The following PPFIA2 variants were observed in gnomAD, a reference collection of about 807,000 sequenced individuals.
PPFIA2 encodes liprin-alpha-2.
A neutral mutation model predicts 175.5 loss-of-function variants in PPFIA2; 46 were observed. That is an observed-to-expected ratio of 0.26 (90% confidence interval 0.21 to 0.34). PPFIA2 has a LOEUF of 0.34. Ranked by LOEUF, PPFIA2 falls within the 10% of genes least tolerant of loss-of-function variation. The pLI, the probability that PPFIA2 is intolerant of heterozygous loss-of-function variation, is 1.00. For missense variants in PPFIA2, 1,179 were observed against 1,506.1 expected (o/e 0.78, Z 3.60); for synonymous variants, 568 against 511.4 (o/e 1.11, Z -1.49).
chr12:81,384,085 C>T lies in PPFIA2; in HGVS notation c.922G>A (p.Ala308Thr), dbSNP rs771802351. 3 of 1,613,296 alleles carry T rather than the reference C, an allele frequency of 1.9e-6. No individual in the cohort carries two copies. In the South Asian group the frequency reaches 3.3e-5, roughly 18 times the overall value. Reference sequence around the variant, plus strand: ...TCTGTTTTAATGAGATCCTTTCTTGCTGTCTCTGCTTCCTGTTCCACCTCT... The same window carrying T: ...TCTGTTTTAATGAGATCCTTTCTTGTTGTCTCTGCTTCCTGTTCCACCTCT... Reference protein sequence around the residue: ...VGEVEQEAETARKDLIKTEEM... With the variant: ...VGEVEQEAETTRKDLIKTEEM... The change falls in exon 9 of 33, where the codon GCA (alanine) becomes ACA (threonine). Residue 308 changes from alanine to threonine, a missense_variant. By Grantham distance (58) the Ala-to-Thr change is moderately conservative (BLOSUM62 0). Transcript: ENST00000549396.
At chr12:81,472,895 T>C (rs931284839) in intron 4 of PPFIA2, 5 of 152,264 alleles carry the variant, frequency 3.3e-5, no homozygotes, top group African/African-American at 1.2e-4. Flanking sequence ...CAGATGACTC[T>C]GCTTTCTTGG....
intron 4 of PPFIA2, among the ~76,000 whole-genome samples, chr12:81,563,808 T>C (rs2070706124): frequency 6.6e-6 from 1 of 152,226 alleles, no homozygotes; most frequent in South Asian, 2.1e-4. Context: ...GCAGGCATCA[T>C]TACAGATGCT....
intron 6 of PPFIA2, among the ~76,000 whole-genome samples, chr12:81,444,001 C>A (rs1221923749): frequency 1.3e-5 from 2 of 150,592 alleles, no homozygotes; most frequent in Non-Finnish European, 3.0e-5. Flanking sequence ...ACTACAGGCG[C>A]CCGCCACCAC....
In PPFIA2 at chr12:81,347,586, G is replaced by C. The variant is rs1191373718; in HGVS notation, c.2179C>G (p.Leu727Val). 1 of 1,613,648 alleles carries C rather than the reference G, an allele frequency of 6.2e-7. No individual in the cohort carries two copies. The highest frequency in any genetic ancestry group is 2.2e-5 in the East Asian group (1 of 44,872). Residue 727 changes from leucine (L) to valine (V), a missense_variant, in exon 18 of 33, where the codon CTC becomes GTC. By Grantham distance (32) the Leu-to-Val change is conservative. This residue lies in a region of PPFIA2 where 223 missense variants were observed against 241.6 expected (regional missense o/e 0.92). Coordinates refer to ENST00000549396, the MANE Select transcript of PPFIA2 (RefSeq NM_003625.5). ...SPPSGHSTPK[L>V]TPRSPAREMD... is the part of the protein sequence containing the mutation. ...TCCCTGGCAGGGCTTCGAGGGGTGA[G>C]CTTTGGAGTTGAGTGTCCACTGGGG...
chr12:81,466,824 T>A (rs1400804828), intron 4 of PPFIA2, among the ~76,000 whole-genome samples: 1 of 150,798 alleles, frequency 6.6e-6, no homozygotes, highest in Non-Finnish European at 1.5e-5. Flanking sequence ...CCTAGTCACA[T>A]TTGTCTTCTT....
intron 9 of PPFIA2, among the ~76,000 whole-genome samples, chr12:81,382,125 A>G (rs543056313): frequency 6.6e-6 from 1 of 152,234 alleles, no homozygotes; most frequent in Admixed American, 6.6e-5. Flanking sequence ...GTATATGTGT[A>G]AATAACAAGG....
At chr12:81,366,171 T>C (rs1291903062) in intron 14 of PPFIA2, among the ~76,000 whole-genome samples, 2 of 150,736 alleles carry the variant, frequency 1.3e-5, no homozygotes, top group African/African-American at 2.4e-5. Context: ...CAGTTATAGA[T>C]CACTTCTTAA....
intron 4 of PPFIA2, among the ~76,000 whole-genome samples, chr12:81,627,471 C>T (rs11114945): frequency 0.058 from 8,760 of 152,146 alleles, 365 homozygotes; most frequent in East Asian, 0.24. Flanking sequence ...TGTCACTCTC[C>T]TAGGAAAGTA....
chr12:81,379,745 T>G (rs1300229096), intron 9 of PPFIA2, among the ~76,000 whole-genome samples: 2 of 152,154 alleles, frequency 1.3e-5, no homozygotes, highest in African/African-American at 4.8e-5. Context: ...AAATGTAAAA[T>G]GAAATTAAAT....
chr12:81,477,376 G>A lies in PPFIA2; in HGVS notation c.304-19510C>T, dbSNP rs931657035. 3.3e-5 allele frequency among the ~76,000 whole-genome samples: 5 copies of A among 151,912 alleles called. No individual in the cohort carries two copies. The East Asian group carries it at 7.8e-4, about 24-fold the overall frequency. On this transcript the variant is annotated intron_variant, in intron 4 of 32. Coordinates refer to ENST00000549396, the MANE Select transcript of PPFIA2 (RefSeq NM_003625.5). ...TCCTTTGACAGAGAATGATTATGAA[G>A]AAGTCAGGAAAACATATTTTTACAA... is the stretch of plus-strand genomic sequence containing the variant.
intron 4 of PPFIA2, among the ~76,000 whole-genome samples, chr12:81,668,877 A>AT (rs2153560418): frequency 6.6e-6 from 1 of 152,096 alleles, no homozygotes; most frequent in African/African-American, 2.4e-5. Context: ...TAACTCCTGC[A>AT]TTTTTTGAAG....
In PPFIA2 at chr12:81,290,905, C is replaced by G. The variant is rs538196467; in HGVS notation, c.2925+3930G>C. ...CACAAAACAAAGAAAATGTCCAATA[C>G]TAGGAATTTGATTAAATAACTTATC... On this transcript the variant is annotated intron_variant, in intron 24 of 32. Transcript: ENST00000549396. Among the ~76,000 whole-genome samples the G allele has an allele frequency of 1.6e-4, 24 of 151,774 alleles. No homozygotes were observed. The East Asian group carries it at 3.3e-3, about 21-fold the overall frequency.
At chr12:81,726,819 T>G (rs905596556) in intron 3 of PPFIA2, among the ~76,000 whole-genome samples, 1 of 151,292 alleles carries the variant, frequency 6.6e-6, no homozygotes, top group East Asian at 1.9e-4. Context: ...AAGCTTAGCT[T>G]TGGCCAACAG....
At chr12:81,511,652 C>T (rs2061812183) in intron 4 of PPFIA2, among the ~76,000 whole-genome samples, 1 of 151,898 alleles carries the variant, frequency 6.6e-6, no homozygotes, top group Non-Finnish European at 1.5e-5. Context: ...ACTTTCATAC[C>T]TTTGGCATCT....
intron 4 of PPFIA2, among the ~76,000 whole-genome samples, chr12:81,647,299 CA>C (rs752561208): frequency 1.7e-4 from 26 of 151,886 alleles, no homozygotes; most frequent in Non-Finnish European, 3.4e-4. Flanking sequence ...AATGGAAAAA[CA>C]GAAAACAGAA....
intron 4 of PPFIA2, chr12:81,465,098 CCAGA>C (rs1223420882): frequency 1.3e-5 from 2 of 152,090 alleles, no homozygotes; most frequent in Admixed American, 6.6e-5. Context: ...GTCAATGACA[CCAGA>C]CAGTCTCCAG....
At chr12:81,660,555 C>A (rs900555782) in intron 4 of PPFIA2, among the ~76,000 whole-genome samples, 2 of 152,098 alleles carry the variant, frequency 1.3e-5, no homozygotes, top group South Asian at 4.1e-4. Flanking sequence ...TGTGAAAAGA[C>A]CAAATCTACG....
chr12:81,621,138 C>G (rs939640244), intron 4 of PPFIA2, among the ~76,000 whole-genome samples: 1 of 151,964 alleles, frequency 6.6e-6, no homozygotes, highest in African/African-American at 2.4e-5. Context: ...TTAGGGAACC[C>G]CTCAATGAGA....
intron 15 of PPFIA2, among the ~76,000 whole-genome samples, chr12:81,362,131 A>G (rs1016265007): frequency 4.6e-5 from 7 of 150,762 alleles, no homozygotes; most frequent in African/African-American, 1.7e-4. Context: ...AGTATGGCTA[A>G]ATTTATTTGA....
Sources: gnomAD v4.1 joint callset for allele counts (sites outside exome capture counted in the v4.1 genomes callset) on GRCh38, gnomAD v4.1.1 for gene constraint, gnomAD v4.1.1 regional missense constraint, MANE v1.5 for transcripts, NCBI Gene and HGNC (gene_info 2026-07-23, HGNC 2026-07-21) for gene names.